Variants in ROR2 observed in about 807,000 individuals in gnomAD.
ROR2 encodes ROR family WNT receptor 2, also known as tyrosine-protein kinase transmembrane receptor ROR2.
ROR2 carries 33 observed loss-of-function variants against 74.9 expected under a neutral mutation model. The observed-to-expected ratio is 0.44, with a 90% confidence interval of 0.33 to 0.59. ROR2 has a LOEUF of 0.59. Ranked by LOEUF, ROR2 falls within the 20% of genes least tolerant of loss-of-function variation. The probability of loss-of-function intolerance (pLI) is 0.02; values close to 1 mark genes in which losing one functional copy is unlikely to be tolerated. For missense variants in ROR2, 1,216 were observed against 1,313.8 expected, an observed-to-expected ratio of 0.93 and a Z score of 1.15; for synonymous variants, 586 against 558.7, an observed-to-expected ratio of 1.05 and a Z score of -0.69.
At chr9:91,760,603 C>T (rs1242315051) in intron 2 of ROR2, among the ~76,000 whole-genome samples, 8 of 148,794 alleles carry the variant, frequency 5.4e-5, no homozygotes, top group East Asian at 4.1e-4. Context: ...CACTGCACTC[C>T]GGCCTGGGTG....
At chr9:91,774,813 G>T (rs1028164208) in intron 2 of ROR2, among the ~76,000 whole-genome samples, 14 of 152,284 alleles carry the variant, frequency 9.2e-5, no homozygotes, top group African/African-American at 3.4e-4. Flanking sequence ...AGGGGTCTGG[G>T]CATCCTTTTC....
At chr9:91,899,304 G>A (rs1830613080) in intron 1 of ROR2, among the ~76,000 whole-genome samples, 1 of 152,222 alleles carries the variant, frequency 6.6e-6, no homozygotes, top group Non-Finnish European at 1.5e-5. Flanking sequence ...CACAGCTGAG[G>A]CTGGGCAGTT....
intron 1 of ROR2, among the ~76,000 whole-genome samples, chr9:91,823,729 T>G (rs1262583675): frequency 6.6e-6 from 1 of 152,202 alleles, no homozygotes. Flanking sequence ...TTTGTGCATA[T>G]TTGAAAACTC....
intron 4 of ROR2, among the ~76,000 whole-genome samples, chr9:91,750,976 G>A (rs1011810072): frequency 6.6e-6 from 1 of 152,302 alleles, no homozygotes. Context: ...AATACCATGT[G>A]CTAGAAAACA....
In ROR2 at chr9:91,949,917, G is replaced by T. The variant is rs1373801601; in HGVS notation, c.47C>A (p.Pro16Gln). The change falls in exon 1 of 9, where the codon CCG (proline) becomes CAG (glutamine). Residue 16 changes from proline to glutamine, a missense_variant. Transcript: ENST00000375708. Reference sequence around the variant, plus strand: ...AAGCGCGGCGGCCGCCCAGACGGCCGGGATGCACAGCAGCGGCCGCCGCGG... The same window carrying T: ...AAGCGCGGCGGCCGCCCAGACGGCCTGGATGCACAGCAGCGGCCGCCGCGG... ...ALPRRPLLCI[P>Q]AVWAAAALLL... 6.5e-7 allele frequency: 1 copy of T among 1,538,190 alleles called. No individual in the cohort carries two copies. The highest frequency in any genetic ancestry group is 1.2e-5 in the South Asian group (1 of 83,620).
chr9:91,737,567 C>A, intron 4 of ROR2, 49 bp from the exon 5 acceptor site: 1 of 1,613,572 alleles, frequency 6.2e-7, no homozygotes, highest in African/African-American at 1.3e-5. Context: ...GGTGCCAGGT[C>A]CCGCCAATGA....
intron 1 of ROR2, among the ~76,000 whole-genome samples, chr9:91,830,518 CA>C (rs1828430953): frequency 6.6e-6 from 1 of 152,122 alleles, no homozygotes; most frequent in Admixed American, 6.6e-5. Context: ...ATAACAAACA[CA>C]ACTCCCATAA....
chr9:91,866,326 G>T (rs1263146425), intron 1 of ROR2, among the ~76,000 whole-genome samples: 2 of 151,496 alleles, frequency 1.3e-5, no homozygotes, highest in Admixed American at 1.3e-4. Context: ...CACCATGTTG[G>T]TTAGGCTGGT....
chr9:91,837,192 C>T (rs867900140), intron 1 of ROR2, among the ~76,000 whole-genome samples: 8 of 151,900 alleles, frequency 5.3e-5, no homozygotes, highest in African/African-American at 1.9e-4. Flanking sequence ...CTCACTCTGT[C>T]GCCCAAGCGA....
At chr9:91,793,569 T>G (rs1270100655) in intron 1 of ROR2, among the ~76,000 whole-genome samples, 7 of 152,042 alleles carry the variant, frequency 4.6e-5, no homozygotes, top group African/African-American at 1.7e-4. Context: ...AAGGCCAGCC[T>G]GGCCAACATA....
intron 2 of ROR2, among the ~76,000 whole-genome samples, chr9:91,771,854 T>C (rs1244431319): frequency 2.0e-5 from 3 of 152,254 alleles, no homozygotes; most frequent in African/African-American, 7.2e-5. Context: ...GGTAAAGCTG[T>C]CATATCACTG....
chr9:91,769,407 T>C (rs1427544951), intron 2 of ROR2, among the ~76,000 whole-genome samples: 1 of 152,156 alleles, frequency 6.6e-6, no homozygotes, highest in Non-Finnish European at 1.5e-5. Flanking sequence ...TCTCCCTACC[T>C]GTGCCCCTTA....
At chr9:91,919,473 C>T (rs1270120679) in intron 1 of ROR2, among the ~76,000 whole-genome samples, 3 of 152,242 alleles carry the variant, frequency 2.0e-5, no homozygotes, top group Non-Finnish European at 4.4e-5. Context: ...ACTGGACCAT[C>T]TGAATCCAAC....
At chr9:91,881,939 C>T (rs894856778) in intron 1 of ROR2, among the ~76,000 whole-genome samples, 2 of 152,188 alleles carry the variant, frequency 1.3e-5, no homozygotes, top group Non-Finnish European at 2.9e-5. Context: ...TCAGGCTGGG[C>T]AGCAGTATGT....
At chr9:91,851,248 A>G (rs970063823) in intron 1 of ROR2, among the ~76,000 whole-genome samples, 2 of 151,910 alleles carry the variant, frequency 1.3e-5, no homozygotes, top group Non-Finnish European at 2.9e-5. Flanking sequence ...GCTACTCAGG[A>G]GGCTGAGGCA....
At chr9:91,817,023 G>C (rs1038982886) in intron 1 of ROR2, among the ~76,000 whole-genome samples, 1 of 152,180 alleles carries the variant, frequency 6.6e-6, no homozygotes, top group East Asian at 1.9e-4. Context: ...ATCTCAGAAG[G>C]AGAGATATAG....
At chr9:91,794,916 C>T (rs1827120305) in intron 1 of ROR2, among the ~76,000 whole-genome samples, 1 of 152,040 alleles carries the variant, frequency 6.6e-6, no homozygotes, top group Non-Finnish European at 1.5e-5. Context: ...GAGGTCAAGA[C>T]TTCGAGACCA....
intron 1 of ROR2, among the ~76,000 whole-genome samples, chr9:91,890,704 A>G (rs1368705764): frequency 1.3e-5 from 2 of 152,146 alleles, no homozygotes; most frequent in Non-Finnish European, 2.9e-5. Flanking sequence ...TATCTTTTCT[A>G]ATTATCGTAT....
At position 91,840,117 on chromosome 9, in the gene ROR2, G is replaced by A. The variant is rs1828737116; in HGVS notation, c.98-64299C>T. 3.3e-5 allele frequency among the ~76,000 whole-genome samples: 5 copies of A among 152,286 alleles called. No individual in the cohort carries two copies. The South Asian group carries it at 1.0e-3, about 32-fold the overall frequency. ...CTGGCAGAGCAGAGAGTACCTGGCTGCTTAAGGGGCACTCCCGAGGCCCCG... is the reference window on the plus strand; with the variant it reads ...CTGGCAGAGCAGAGAGTACCTGGCTACTTAAGGGGCACTCCCGAGGCCCCG... On this transcript the variant is annotated intron_variant, in intron 1 of 8. Coordinates refer to ENST00000375708, the MANE Select transcript of ROR2 (RefSeq NM_004560.4).
Sources: allele counts gnomAD v4.1 joint callset (sites outside exome capture counted in the v4.1 genomes callset), GRCh38; gene constraint gnomAD v4.1.1; transcripts MANE v1.5; gene names NCBI Gene and HGNC (gene_info 2026-07-23, HGNC 2026-07-21).